ABAT: variants seen among roughly 807,000 people sequenced by gnomAD.
The protein encoded by ABAT is 4-aminobutyrate aminotransferase, mitochondrial.
ABAT carries 45 observed loss-of-function variants against 64.6 expected under a neutral mutation model. That is an observed-to-expected ratio of 0.70 (90% CI 0.55 to 0.89). The LOEUF (loss-of-function observed/expected upper bound fraction) is 0.89, where lower values mean the gene tolerates loss of function less well. ABAT is among the 40% of genes least tolerant of loss of function. ABAT has a pLI of 0.00. For synonymous variants in ABAT, 297 were observed against 250.5 expected, an observed-to-expected ratio of 1.19 and a Z score of -1.75; for missense variants, 633 against 658.4, an observed-to-expected ratio of 0.96 and a Z score of 0.42.
At chr16:8,721,223 A>G (rs1352769140) in intron 1 of ABAT, among the ~76,000 whole-genome samples, 1 of 152,124 alleles carries the variant, frequency 6.6e-6, no homozygotes, top group Non-Finnish European at 1.5e-5. Context: ...TGCAGGGAAG[A>G]AGCAGTTTCA....
intron 10 of ABAT, 137 bp downstream of exon 10, chr16:8,768,393 A>T: frequency 1.1e-6 from 1 of 949,674 alleles, no homozygotes; most frequent in Non-Finnish European, 1.7e-6. Context: ...AGTGGGGATT[A>T]TTATTCCTGC....
intron 1 of ABAT, among the ~76,000 whole-genome samples, chr16:8,706,954 C>G (rs1309998082): frequency 6.6e-6 from 1 of 152,108 alleles, no homozygotes; most frequent in Non-Finnish European, 1.5e-5. Flanking sequence ...GGCCCTGAGG[C>G]TACAGAGCTC....
At chr16:8,747,364 A>C (rs985623675) in intron 3 of ABAT, among the ~76,000 whole-genome samples, 2 of 152,206 alleles carry the variant, frequency 1.3e-5, no homozygotes, top group African/African-American at 4.8e-5. Context: ...ACTATTTTAT[A>C]AATCCAGAAA....
chr16:8,750,336 G>T, intron 4 of ABAT, 86 bp from the exon 5 acceptor site: 2 of 1,113,756 alleles, frequency 1.8e-6, no homozygotes, highest in Non-Finnish European at 1.4e-6. Context: ...ACGATATGGT[G>T]TACTTCACTG....
intron 1 of ABAT, among the ~76,000 whole-genome samples, chr16:8,725,993 CT>C (rs1448847735): frequency 3.9e-5 from 6 of 152,140 alleles, no homozygotes; most frequent in African/African-American, 1.4e-4. Context: ...CTCCCTGCCC[CT>C]CCCTGGGAGC....
intron 3 of ABAT, among the ~76,000 whole-genome samples, chr16:8,747,452 G>A (rs1731033): frequency 0.96 from 146,548 of 152,266 alleles, 70,666 homozygotes; most frequent in East Asian, 1. Flanking sequence ...TTAAATGCAT[G>A]TTTCTATTGG....
chr16:8,779,918 C>T (rs1476075780), intron 15 of ABAT, among the ~76,000 whole-genome samples: 2 of 152,190 alleles, frequency 1.3e-5, no homozygotes, highest in African/African-American at 4.8e-5. Flanking sequence ...CATGGCATTT[C>T]ACAACCAATC....
chr16:8,757,952 G>C, intron 6 of ABAT, 146 bp downstream of exon 6: 1 of 977,954 alleles, frequency 1.0e-6, no homozygotes, highest in South Asian at 1.4e-5. Context: ...CAGGTATGTG[G>C]CATGCCTTGA....
intron 1 of ABAT, among the ~76,000 whole-genome samples, chr16:8,716,768 G>T (rs548141818): frequency 2.4e-4 from 37 of 152,274 alleles, no homozygotes; most frequent in Non-Finnish European, 4.4e-4. Flanking sequence ...GCCCAGGCAG[G>T]CCGTGGCATT....
At chr16:8,702,945 TG>T (rs1421441358) in intron 1 of ABAT, among the ~76,000 whole-genome samples, 1 of 152,098 alleles carries the variant, frequency 6.6e-6, no homozygotes, top group Non-Finnish European at 1.5e-5. Context: ...ATTCTGGATC[TG>T]TTTTCAAGAT....
chr16:8,693,263 T>C (rs1451724910), intron 1 of ABAT, among the ~76,000 whole-genome samples: 1 of 152,220 alleles, frequency 6.6e-6, no homozygotes, highest in African/African-American at 2.4e-5. Flanking sequence ...CCTCTACGTA[T>C]ATTTTATGCA....
At chr16:8,737,746 A>C (rs1269737703) in intron 2 of ABAT, among the ~76,000 whole-genome samples, 2 of 140,702 alleles carry the variant, frequency 1.4e-5, no homozygotes, top group Non-Finnish European at 3.1e-5. Context: ...AACATGGTGA[A>C]ACCTCATCTC....
In ABAT at chr16:8,783,421, G is replaced by C. The variant is rs2060483265; in HGVS notation, c.*1991G>C. 6.6e-6 allele frequency: 1 copy of C among 152,124 alleles called. No individual in the cohort carries two copies. Among genetic ancestry groups the C allele is most frequent in the Non-Finnish European group, 1.5e-5 (1 of 68,028 alleles). The allele number at this position is 152,124 out of a possible 1,614,324, so 9.4% of individuals were successfully genotyped here. Reference sequence around the variant, plus strand: ...GGATGGAGAACCACCATTCACCCAAGGGTCAGAGGAGGTTTCAAAGAAAAG... The same window carrying C: ...GGATGGAGAACCACCATTCACCCAACGGTCAGAGGAGGTTTCAAAGAAAAG... On this transcript the variant is annotated 3_prime_UTR_variant, in exon 16 of 16. Coordinates refer to ENST00000268251, the MANE Select transcript of ABAT (RefSeq NM_020686.6).
At chr16:8,690,700 T>C (rs755473277) in intron 1 of ABAT, among the ~76,000 whole-genome samples, 3 of 152,224 alleles carry the variant, frequency 2.0e-5, no homozygotes, top group Non-Finnish European at 2.9e-5. Context: ...TTTGGTTCTT[T>C]CTGCACCAAG....
At chr16:8,756,837 A>G (rs1304129889) in intron 5 of ABAT, among the ~76,000 whole-genome samples, 1 of 152,228 alleles carries the variant, frequency 6.6e-6, no homozygotes, top group Non-Finnish European at 1.5e-5. Flanking sequence ...AGATCTTTAT[A>G]CACACTGGTA....
At position 8,768,807 on chromosome 16, in the gene ABAT, C is replaced by G; in HGVS notation, c.668-18C>G. ...TTCCCCAAGCCAAGCGTCTGCTTTT[C>G]TGTTTTGCTGAACTCAGGTTGCTTA... On this transcript the variant is annotated intron_variant, in intron 10 of 15. Transcript: ENST00000268251. 6.2e-7 allele frequency: 1 copy of G among 1,614,090 alleles called. No individual in the cohort carries two copies. The highest frequency in any genetic ancestry group is 8.5e-7 in the Non-Finnish European group (1 of 1,180,018).
intron 1 of ABAT, among the ~76,000 whole-genome samples, chr16:8,725,354 C>T (rs2058519102): frequency 6.6e-6 from 1 of 152,184 alleles, no homozygotes; most frequent in South Asian, 2.1e-4. Flanking sequence ...GACCCCCGTA[C>T]CCATTAAGCA....
intron 11 of ABAT, among the ~76,000 whole-genome samples, chr16:8,771,066 C>T (rs900221620): frequency 5.9e-5 from 9 of 151,994 alleles, no homozygotes; most frequent in Non-Finnish European, 1.2e-4. Flanking sequence ...GAGGTTGAGG[C>T]GGGCAGATCA....
At chr16:8,702,237 AAG>A (rs910516346) in intron 1 of ABAT, among the ~76,000 whole-genome samples, 2 of 151,530 alleles carry the variant, frequency 1.3e-5, no homozygotes, top group East Asian at 1.9e-4. Context: ...GAGCAGGAGG[AAG>A]AGAGAGAGCA....
Sources: gnomAD v4.1 joint callset for allele counts (sites outside exome capture counted in the v4.1 genomes callset) on GRCh38, gnomAD v4.1.1 for gene constraint, MANE v1.5 for transcripts, NCBI Gene and HGNC (gene_info 2026-07-23, HGNC 2026-07-21) for gene names.